The following MTX2 variants were observed in gnomAD, a reference collection of about 807,000 sequenced individuals.
The protein encoded by MTX2 is metaxin-2.
In MTX2, 35 loss-of-function variants were observed where a neutral mutation model predicts 42.3. That is an observed-to-expected ratio of 0.83 (90% CI 0.63 to 1.10). The LOEUF (loss-of-function observed/expected upper bound fraction) is 1.10. MTX2 is among the 50% of genes least tolerant of loss of function. The pLI is 0.00. For synonymous variants in MTX2, 119 were observed against 100.9 expected, an observed-to-expected ratio of 1.18 and a Z score of -1.08; for missense variants, 307 against 304.1, an observed-to-expected ratio of 1.01 and a Z score of -0.07.
intron 3 of MTX2, 25 bp downstream of exon 3, chr2:176,297,920 CT>C (rs1441698082): frequency 2.6e-6 from 4 of 1,515,890 alleles, no homozygotes; most frequent in Admixed American, 1.9e-5. Context: ...AATGTAATAT[CT>C]TTTTCACCCC....
chr2:176,290,181 A>AG (rs1693296547), intron 1 of MTX2, among the ~76,000 whole-genome samples: 1 of 152,100 alleles, frequency 6.6e-6, no homozygotes, highest in Non-Finnish European at 1.5e-5. Flanking sequence ...TCTGAACTTA[A>AG]GGGGAACAAT....
intron 3 of MTX2, among the ~76,000 whole-genome samples, chr2:176,306,469 C>T (rs1684146733): frequency 6.6e-6 from 1 of 152,168 alleles, no homozygotes; most frequent in Non-Finnish European, 1.5e-5. Flanking sequence ...GTTCTAGATC[C>T]TTGAGGAATC....
At chr2:176,321,323 G>A (rs1024876656) in intron 3 of MTX2, among the ~76,000 whole-genome samples, 15 of 152,100 alleles carry the variant, frequency 9.9e-5, no homozygotes, top group Non-Finnish European at 1.5e-4. Context: ...GGAATCACTG[G>A]TTATAGGTTT....
rs76903473 is a variant in MTX2 at position 176,298,533 on chromosome 2, G to A, written c.135+638G>A. ...AGGAAGAATAGGATACTTGGGGATGGTTTGCTTAAAAAACAATGTTTATGA... is the reference window on the plus strand; with the variant it reads ...AGGAAGAATAGGATACTTGGGGATGATTTGCTTAAAAAACAATGTTTATGA... On this transcript the variant is annotated intron_variant, in intron 3 of 9. Transcript: ENST00000249442. 5.3e-5 allele frequency among the ~76,000 whole-genome samples: 8 copies of A among 152,198 alleles called. No individual in the cohort carries two copies. In the East Asian group the frequency reaches 9.6e-4, roughly 18 times the overall value.
intron 8 of MTX2, 128 bp downstream of exon 8, chr2:176,329,554 T>A: frequency 1.1e-6 from 1 of 938,870 alleles, no homozygotes; most frequent in Non-Finnish European, 1.5e-6. Flanking sequence ...TGATTTTCAC[T>A]AACATGAAGT....
chr2:176,331,495 A>G (rs1029296518), intron 9 of MTX2, among the ~76,000 whole-genome samples: 4 of 151,218 alleles, frequency 2.6e-5, no homozygotes, highest in African/African-American at 4.8e-5. Flanking sequence ...CCTCTTCTAT[A>G]ACCATATCAA....
In MTX2 at chr2:176,292,056, TGTG is replaced by T. The variant is rs1395692718; in HGVS notation, c.41-4800_41-4798del. ...TCTTAAGCATAAAATTTACTTTTGA[TGTG>T]GTGAGAATACCAGTAACTTGCACTT... On this transcript the variant is annotated intron_variant, in intron 1 of 9. Coordinates refer to ENST00000249442, the MANE Select transcript of MTX2 (RefSeq NM_006554.5). Among the ~76,000 whole-genome samples, 6 of 152,354 alleles carry T rather than the reference TGTG, an allele frequency of 3.9e-5. No homozygotes were observed. The East Asian group carries it at 1.2e-3, about 29-fold the overall frequency.
intron 4 of MTX2, among the ~76,000 whole-genome samples, chr2:176,325,312 A>C (rs940278501): frequency 2.0e-5 from 3 of 151,768 alleles, no homozygotes; most frequent in Non-Finnish European, 3.0e-5. Context: ...TAACTGTCTT[A>C]CTGTGTTTTT....
intron 5 of MTX2, 50 bp from the exon 6 acceptor site, chr2:176,328,243 T>C (rs541435215): frequency 4.1e-6 from 5 of 1,231,250 alleles, no homozygotes; most frequent in Non-Finnish European, 4.5e-6. Flanking sequence ...ACTGAAAGTT[T>C]TTGTATATTT....
At chr2:176,307,699 G>T (rs1300147940) in intron 3 of MTX2, among the ~76,000 whole-genome samples, 1 of 151,908 alleles carries the variant, frequency 6.6e-6, no homozygotes, top group South Asian at 2.1e-4. Flanking sequence ...ATTTGGCTCT[G>T]TTTGTCTGTT....
chr2:176,299,554 T>C (rs890563887), intron 3 of MTX2, among the ~76,000 whole-genome samples: 4 of 152,144 alleles, frequency 2.6e-5, no homozygotes, highest in African/African-American at 9.6e-5. Context: ...TCAATGTTTT[T>C]ATCCTACATA....
intron 3 of MTX2, among the ~76,000 whole-genome samples, chr2:176,307,337 AGT>A (rs1321289861): frequency 6.6e-6 from 1 of 152,184 alleles, no homozygotes; most frequent in Non-Finnish European, 1.5e-5. Flanking sequence ...GAAGTCAGGT[AGT>A]GTGATGCCTC....
intron 1 of MTX2, among the ~76,000 whole-genome samples, chr2:176,293,652 T>G (rs1693376492): frequency 6.6e-6 from 1 of 152,178 alleles, no homozygotes; most frequent in African/African-American, 2.4e-5. Flanking sequence ...CTGCCATGAT[T>G]GTAAGCTTCC....
chr2:176,326,880 A>T lies in MTX2; in HGVS notation c.264A>T (p.Ile88=). The change falls in exon 5 of 10, where the codon ATA becomes ATT. Residue 88 remains isoleucine (I), a synonymous_variant. Coordinates refer to ENST00000249442, the MANE Select transcript of MTX2 (RefSeq NM_006554.5). ...GNQVVSELGP[I]VQFVKAKGHS... ...AAGTAGTATCAGAACTTGGTCCAAT[A>T]GTCCAATTTGTTAAAGCCAAGGTAA... The T allele has an allele frequency of 6.4e-6, 10 of 1,569,162 alleles. No homozygotes were observed. The highest frequency in any genetic ancestry group is 8.7e-6 in the Non-Finnish European group (10 of 1,151,860).
intron 3 of MTX2, among the ~76,000 whole-genome samples, chr2:176,317,102 C>T (rs1684465102): frequency 6.6e-6 from 1 of 150,444 alleles, no homozygotes; most frequent in Admixed American, 6.6e-5. Flanking sequence ...CAAAAATTCA[C>T]ATGACTAAAA....
intron 9 of MTX2, among the ~76,000 whole-genome samples, chr2:176,335,944 A>G (rs1243337591): frequency 6.6e-6 from 1 of 152,116 alleles, no homozygotes; most frequent in African/African-American, 2.4e-5. Context: ...AGTGGCATCA[A>G]GATGGTATTT....
intron 3 of MTX2, among the ~76,000 whole-genome samples, chr2:176,308,385 A>G (rs568615250): frequency 2.6e-5 from 4 of 152,278 alleles, no homozygotes; most frequent in African/African-American, 9.6e-5. Flanking sequence ...TGTCTCTGCC[A>G]GGCTCTGGTA....
intron 3 of MTX2, among the ~76,000 whole-genome samples, chr2:176,304,917 A>G (rs1302149633): frequency 6.6e-6 from 1 of 152,092 alleles, no homozygotes; most frequent in African/African-American, 2.4e-5. Flanking sequence ...AACTTTGTTC[A>G]TGTGACTTAC....
At chr2:176,333,008 G>C (rs1684897074) in intron 9 of MTX2, among the ~76,000 whole-genome samples, 1 of 151,314 alleles carries the variant, frequency 6.6e-6, no homozygotes, top group African/African-American at 2.4e-5. Flanking sequence ...TGAAAACGTT[G>C]AATTTTACTG....
Sources: allele counts gnomAD v4.1 joint callset (sites outside exome capture counted in the v4.1 genomes callset), GRCh38; gene constraint gnomAD v4.1.1; transcripts MANE v1.5; gene names NCBI Gene and HGNC (gene_info 2026-07-23, HGNC 2026-07-21).